PLCB3: variants seen among roughly 807,000 people sequenced by gnomAD.
The protein encoded by PLCB3 is phospholipase C beta 3.
Under a neutral mutation model 152.1 loss-of-function variants are expected in PLCB3, and 54 were observed. The observed-to-expected ratio is 0.36, with a 90% CI of 0.29 to 0.45. PLCB3 has a LOEUF of 0.45. PLCB3 is among the 20% of genes least tolerant of loss of function. The probability of loss-of-function intolerance (pLI) is 1.00; values close to 1 mark genes in which losing one functional copy is unlikely to be tolerated. For synonymous variants in PLCB3, 717 were observed against 698.7 expected, an observed-to-expected ratio of 1.03 and a Z score of -0.41; for missense variants, 1,248 against 1,687.5, an observed-to-expected ratio of 0.74 and a Z score of 4.56.
chr11:64,262,726 C>T lies in PLCB3; in HGVS notation c.2273C>T (p.Thr758Met), dbSNP rs760877917. The T allele has an allele frequency of 6.2e-6, 10 of 1,613,744 alleles. No homozygotes were observed. Among genetic ancestry groups the T allele is most frequent in the African/African-American group, 1.3e-5 (1 of 74,924 alleles). The change falls in exon 19 of 31, where the codon ACG (threonine) becomes ATG (methionine). Residue 758 changes from threonine to methionine, a missense_variant. Transcript: ENST00000279230. ...GACATGTTTGGCCTCCCTGTTGATA[C>T]GCGGCGCAAGTACCGCACCCGGACC... Reference protein sequence around the residue: ...EVDMFGLPVDTRRKYRTRTSQ... With the variant: ...EVDMFGLPVDMRRKYRTRTSQ...
intron 8 of PLCB3, 79 bp from the exon 9 acceptor site, chr11:64,256,297 C>G: frequency 7.2e-7 from 1 of 1,395,134 alleles, no homozygotes; most frequent in Non-Finnish European, 9.9e-7. Flanking sequence ...TTCTGACTCC[C>G]TTGCCCAGGG....
rs1311417543 is a variant in PLCB3, at chr11:64,258,183, A to G, written c.1013-290A>G. Among the ~76,000 whole-genome samples, 1 of 148,052 alleles carries G rather than the reference A, an allele frequency of 6.8e-6. No homozygotes were observed. Among genetic ancestry groups the G allele is most frequent in the Non-Finnish European group, 1.5e-5 (1 of 67,234 alleles). ...AAAAAAAAAAAAGAGATTGGATTGG[A>G]GGCAGGGAGGGCTGGAGTCTTCCAC... is the stretch of plus-strand genomic sequence containing the variant. On this transcript the variant is annotated intron_variant, in intron 10 of 30. Coordinates refer to ENST00000279230, the MANE Select transcript of PLCB3 (RefSeq NM_000932.5). The surrounding 1 kb of genome is among the most constrained non-coding windows in gnomAD (Gnocchi z 7.2).
chr11:64,262,445 A>G lies in PLCB3; in HGVS notation c.2077A>G (p.Asn693Asp). 6.2e-7 allele frequency: 1 copy of G among 1,613,814 alleles called. No individual in the cohort carries two copies. Among genetic ancestry groups the G allele is most frequent in the Non-Finnish European group, 8.5e-7 (1 of 1,179,944 alleles). Residue 693 changes from asparagine (N) to aspartate (D), a missense_variant, in exon 18 of 31, where the codon AAC becomes GAC. Coordinates refer to ENST00000279230, the MANE Select transcript of PLCB3 (RefSeq NM_000932.5). ...MQLNAGVFEY[N>D]GRSGYLLKPE... ...GCTCAACGCGGGCGTTTTTGAGTACAACGGGCGCAGCGGGTACCTGCTCAA... is the reference window on the plus strand; with the variant it reads ...GCTCAACGCGGGCGTTTTTGAGTACGACGGGCGCAGCGGGTACCTGCTCAA...
chr11:64,263,489 G>A lies in PLCB3; in HGVS notation c.2356-9G>A. The A allele has an allele frequency of 1.3e-6, 2 of 1,541,442 alleles. No homozygotes were observed. Among genetic ancestry groups the A allele is most frequent in the Non-Finnish European group, 8.8e-7 (1 of 1,139,900 alleles). On this transcript the variant is annotated splice_polypyrimidine_tract_variant and intron_variant, in intron 19 of 30. Coordinates refer to ENST00000279230, the MANE Select transcript of PLCB3 (RefSeq NM_000932.5). ...CAGCCCTGTGGCTCAGCTCCAGTCT[G>A]GCCCACAGGTGGTGCTGCCCACGCT...
At position 64,263,566 on chromosome 11, in the gene PLCB3, C is replaced by T. The variant is rs1204585395; in HGVS notation, c.2424C>T (p.His808=). Residue 808 remains histidine, a synonymous_variant, in exon 20 of 31, where the codon CAC becomes CAT. Transcript: ENST00000279230. ...AGGAGGGGGGTAAATTCGTAGGGCA[C>T]CGGATCCTGCCTGTCTCTGCCATCC... is the stretch of plus-strand genomic sequence containing the variant. The part of the protein sequence containing the change: ...AFEEGGKFVG[H]RILPVSAIRS... 3 of 1,610,132 alleles carry T rather than the reference C, an allele frequency of 1.9e-6. No homozygotes were observed. The highest frequency in any genetic ancestry group is 4.5e-5 in the East Asian group (2 of 44,778).
Position 64,262,340 on chromosome 11 carries a change from C to A in PLCB3, c.2039-67C>A. The A allele has an allele frequency of 1.9e-6, 3 of 1,569,284 alleles. 1 individual carries two copies. The highest frequency in any genetic ancestry group is 2.6e-6 in the Non-Finnish European group (3 of 1,148,258). On this transcript the variant is annotated intron_variant, in intron 17 of 30. Transcript: ENST00000279230. Reference sequence around the variant, plus strand: ...TGGATGCCATCTGACCTGATGATCTCCCATTCCCCACATGGCACCGTCCTG... The same window carrying A: ...TGGATGCCATCTGACCTGATGATCTACCATTCCCCACATGGCACCGTCCTG...
At chr11:64,257,614 T>C (rs2031609186) in intron 10 of PLCB3, among the ~76,000 whole-genome samples, 3 of 151,172 alleles carry the variant, frequency 2.0e-5, no homozygotes, top group African/African-American at 7.3e-5. Context: ...TGAGAGACCC[T>C]TTTCTAAAAA....
Position 64,256,718 on chromosome 11 carries a change from A to G in PLCB3, c.966A>G (p.Pro322=). The G allele has an allele frequency of 6.2e-7, 1 of 1,614,224 alleles. No individual in the cohort carries two copies. Among genetic ancestry groups the G allele is most frequent in the Non-Finnish European group, 8.5e-7 (1 of 1,180,040 alleles). The change falls in exon 10 of 31, where the codon CCA becomes CCG. Residue 322 remains proline, a synonymous_variant. Transcript: ENST00000279230. ...ALDLSTDMTQ[P]LSAYFINSSH... ...ATCTGAGCACGGACATGACCCAGCCACTGAGTGCCTACTTCATCAACTCCT... is the reference window on the plus strand; with the variant it reads ...ATCTGAGCACGGACATGACCCAGCCGCTGAGTGCCTACTTCATCAACTCCT...
Position 64,259,127 on chromosome 11 carries a change from C to A in PLCB3, c.1408C>A (p.Arg470=), listed in dbSNP as rs767101293. 6.2e-7 allele frequency: 1 copy of A among 1,611,928 alleles called. No homozygotes were observed. Among genetic ancestry groups the A allele is most frequent in the African/African-American group, 1.3e-5 (1 of 74,988 alleles). Reference sequence around the variant, plus strand: ...CCGTATCCTGGTGAAGAACAAGAAGCGGCACCGACCCAGCGCAGGTGGCCC... The same window carrying A: ...CCGTATCCTGGTGAAGAACAAGAAGAGGCACCGACCCAGCGCAGGTGGCCC... ...MGRILVKNKK[R]HRPSAGGPDS... is the part of the protein sequence containing the mutation. Residue 470 remains arginine (R), a synonymous_variant, in exon 13 of 31, where the codon CGG becomes AGG. Coordinates refer to ENST00000279230, the MANE Select transcript of PLCB3 (RefSeq NM_000932.5).
rs1030461333 is a variant in PLCB3 at position 64,263,457 on chromosome 11, C to T, written c.2356-41C>T. 22 of 1,355,474 alleles carry T rather than the reference C, an allele frequency of 1.6e-5. No individual in the cohort carries two copies. The Admixed American group carries it at 4.1e-4, about 25-fold the overall frequency. The allele number at this position is 1,355,474 out of a possible 1,614,324, so 84.0% of individuals were successfully genotyped here. On this transcript the variant is annotated intron_variant, in intron 19 of 30. Transcript: ENST00000279230. ...GCTGTGGCCTGGTAGCCACAGTGGC[C>T]CAGGGTCAGCCCTGTGGCTCAGCTC...
rs371141479 is a variant in PLCB3, at chr11:64,264,546, G to A, written c.2653-405G>A. Among the ~76,000 whole-genome samples, 393 of 152,294 alleles carry A rather than the reference G, an allele frequency of 2.6e-3. 2 individuals are homozygous for A. The highest frequency in any genetic ancestry group is 8.9e-3 in the East Asian group (46 of 5,180). On this transcript the variant is annotated intron_variant, in intron 22 of 30. Coordinates refer to ENST00000279230, the MANE Select transcript of PLCB3 (RefSeq NM_000932.5). ...ATTAGGGCTGCCTGGAGCTGTTAGC[G>A]GAGAGGCTGGTGCCCACTCTGCGGT...
chr11:64,259,561 G>A (rs1770500852), intron 13 of PLCB3, among the ~76,000 whole-genome samples: 1 of 152,036 alleles, frequency 6.6e-6, no homozygotes, highest in Admixed American at 6.5e-5. Context: ...ATCCCACACT[G>A]GGTGTGACCT....
chr11:64,254,682 G>A, intron 2 of PLCB3, 66 bp from the exon 3 acceptor site: 2 of 1,553,594 alleles, frequency 1.3e-6, no homozygotes, highest in Non-Finnish European at 1.8e-6. Flanking sequence ...TGGGTAGAGA[G>A]CTTGGAAGCT....
Position 64,265,048 on chromosome 11 carries a change from C to T in PLCB3, c.2750C>T (p.Pro917Leu), listed in dbSNP as rs758116241. 2.6e-6 allele frequency: 4 copies of T among 1,534,396 alleles called. No individual in the cohort carries two copies. In the Admixed American group the frequency reaches 5.7e-5, roughly 22 times the overall value. ...ACCCCCAGCCCACTGGATGCCTCCC[C>T]CCGCCGGCCCCCTGGCCCCACCACC... Reference protein sequence around the residue: ...NPTPSPLDASPRRPPGPTTSP... With the variant: ...NPTPSPLDASLRRPPGPTTSP... Residue 917 changes from proline (P) to leucine (L), a missense_variant, in exon 23 of 31, where the codon CCC (proline) becomes CTC (leucine). By Grantham distance (98) the Pro-to-Leu change is moderately conservative. This residue lies in a region of PLCB3 where 477 missense variants were observed against 489.6 expected (regional missense o/e 0.97). Transcript: ENST00000279230.
rs1447302296 is a variant in PLCB3 at position 64,259,025 on chromosome 11, G to T, written c.1339-33G>T. 7 of 1,612,366 alleles carry T rather than the reference G, an allele frequency of 4.3e-6. No homozygotes were observed. The South Asian group carries it at 7.7e-5, about 18-fold the overall frequency. The stretch of plus-strand genomic sequence containing the variant: ...TGGGGGCCAGGGTGCTGCGGACCCG[G>T]TCCAGGGCCCTGACTCGTCCATGCC... On this transcript the variant is annotated intron_variant, in intron 12 of 30. Transcript: ENST00000279230.
intron 14 of PLCB3, 119 bp from the exon 15 acceptor site, chr11:64,261,281 C>CACCA: frequency 2.6e-6 from 2 of 770,326 alleles, no homozygotes; most frequent in South Asian, 2.8e-5. Context: ...CTGTCGGCAC[C>CACCA]ACCAGCAGTG....
downstream of PLCB3, chr11:64,268,356 C>G (rs891490976): frequency 8.5e-5 from 13 of 152,200 alleles, no homozygotes; most frequent in African/African-American, 2.9e-4. Flanking sequence ...CTGCCCAACA[C>G]CGGGGGACCT....
rs1174769934 is a variant in PLCB3 at position 64,267,841 on chromosome 11, T to C, written c.*285T>C. On this transcript the variant is annotated 3_prime_UTR_variant, in exon 31 of 31. Transcript: ENST00000279230. This position sits in a 1 kb window ranked among gnomAD's most constrained non-coding sequence, Gnocchi z 5.2. ...TCCCCGGGAGAGCTGGCTGGAGACT[T>C]GGAGCTCCGGGAAGTAGGAGTCACA... The C allele has an allele frequency of 2.4e-6, 1 of 418,206 alleles. No individual in the cohort carries two copies. The highest frequency in any genetic ancestry group is 4.2e-6 in the Non-Finnish European group (1 of 235,446). 25.9% of individuals were successfully genotyped at this position (418,206 alleles called of 1,614,324 possible). A position where few individuals can be genotyped will look rare whatever the true frequency, so the allele number is the denominator to read the frequency against.
rs1166650129 is a variant in PLCB3, at chr11:64,261,943, C to A, written c.1914-9C>A. On this transcript the variant is annotated splice_polypyrimidine_tract_variant and intron_variant, in intron 16 of 30. Transcript: ENST00000279230. The stretch of plus-strand genomic sequence containing the variant: ...TGGCACCTGTGTGGCCCCTGACCAC[C>A]AATCTCAGATACAACAAGCAGCAGC... 1.9e-6 allele frequency: 3 copies of A among 1,613,904 alleles called. No homozygotes were observed. The highest frequency in any genetic ancestry group is 2.5e-6 in the Non-Finnish European group (3 of 1,179,936).
Sources: gnomAD v4.1 joint callset for allele counts (sites outside exome capture counted in the v4.1 genomes callset) on GRCh38, gnomAD v4.1.1 for gene constraint, gnomAD v4.1.1 regional missense constraint, Gnocchi (gnomAD v3.1) non-coding constraint, MANE v1.5 for transcripts, NCBI Gene and HGNC (gene_info 2026-07-23, HGNC 2026-07-21) for gene names.